The following SYNC variants were observed in gnomAD, a reference collection of about 807,000 sequenced individuals.
SYNC encodes the protein syncoilin, intermediate filament protein.
SYNC carries 38 observed loss-of-function variants against 49.5 expected under a neutral mutation model. That is an observed-to-expected ratio of 0.77 (90% CI 0.59 to 1.01). The LOEUF (loss-of-function observed/expected upper bound fraction) is 1.01, where lower values mean the gene tolerates loss of function less well. SYNC is among the 50% of genes least tolerant of loss of function. The probability of loss-of-function intolerance (pLI) is 0.00; values close to 1 mark genes in which losing one functional copy is unlikely to be tolerated. For missense variants in SYNC, 579 were observed against 580.6 expected, an observed-to-expected ratio of 1.00 and a Z score of 0.03; for synonymous variants, 201 against 230.8, an observed-to-expected ratio of 0.87 and a Z score of 1.17.
chr1:32,696,184 T>C, intron 1 of SYNC, 140 bp from the exon 2 acceptor site: 1 of 656,058 alleles, frequency 1.5e-6, no homozygotes, highest in South Asian at 1.9e-5. Context: ...ACTCTGTCAA[T>C]CCACCCCTCC....
intron 1 of SYNC, among the ~76,000 whole-genome samples, chr1:32,700,170 A>T (rs1650611338): frequency 6.6e-6 from 1 of 152,056 alleles, no homozygotes; most frequent in Admixed American, 6.6e-5. Context: ...GCTTCTCAAA[A>T]ACCACCTAAC....
intron 1 of SYNC, among the ~76,000 whole-genome samples, chr1:32,696,370 A>C (rs960135588): frequency 1.4e-4 from 22 of 152,056 alleles, no homozygotes; most frequent in Admixed American, 1.2e-3. Context: ...GCTGGAGTGC[A>C]ATAGCGTGAT....
intron 2 of SYNC, among the ~76,000 whole-genome samples, chr1:32,693,341 A>T (rs538730080): frequency 1.1e-4 from 17 of 152,194 alleles, no homozygotes; most frequent in Non-Finnish European, 2.2e-4. Flanking sequence ...TCAGCCTCCC[A>T]ACCAAAGTGC....
chr1:32,684,294 A>G lies in SYNC; in HGVS notation c.1322T>C (p.Leu441Pro). ...QQQKNKEMEQ[L>P]RLSLAEELST... ...GAGCTCTTCAGCAAGACTGAGCCTT[A>G]GCTGTTCCATCTCTTTGTTCTTCTG... The change falls in exon 3 of 5, where the codon CTA (leucine) becomes CCA (proline). Residue 441 changes from leucine (L) to proline (P), a missense_variant. Coordinates refer to ENST00000409190, the MANE Select transcript of SYNC (RefSeq NM_030786.3). 1 of 1,614,208 alleles carries G rather than the reference A, an allele frequency of 6.2e-7. No homozygotes were observed. Among genetic ancestry groups the G allele is most frequent in the Non-Finnish European group, 8.5e-7 (1 of 1,180,026 alleles).
intron 2 of SYNC, among the ~76,000 whole-genome samples, chr1:32,692,101 G>A (rs1650195042): frequency 1.3e-5 from 2 of 151,684 alleles, no homozygotes; most frequent in Non-Finnish European, 2.9e-5. Flanking sequence ...GTGCGGTGGC[G>A]GGCGCCTGCA....
At chr1:32,684,866 T>G (rs1478106057) in intron 2 of SYNC, 1 of 153,586 alleles carries the variant, frequency 6.5e-6, no homozygotes, top group East Asian at 1.9e-4. Flanking sequence ...AGTCCATGTT[T>G]AGAAAATAAA....
chr1:32,681,097 C>G lies in SYNC; in HGVS notation c.*753G>C, dbSNP rs1236428290. The G allele has an allele frequency of 6.5e-6, 1 of 152,674 alleles. No individual in the cohort carries two copies. Among genetic ancestry groups the G allele is most frequent in the Admixed American group, 6.5e-5 (1 of 15,272 alleles). The allele number at this position is 152,674 out of a possible 1,614,324, so 9.5% of individuals were successfully genotyped here. On this transcript the variant is annotated 3_prime_UTR_variant, in exon 5 of 5. Transcript: ENST00000409190. ...GGCCTCTATCACCAGATGCAATAAC[C>G]AGATAAAATTCCTGTTTTTTCCCAA...
intron 1 of SYNC, among the ~76,000 whole-genome samples, chr1:32,699,858 G>C (rs1056090330): frequency 6.6e-6 from 1 of 150,896 alleles, no homozygotes; most frequent in Non-Finnish European, 1.5e-5. Context: ...TCAGCCTCCC[G>C]AGTAGCTGAG....
chr1:32,695,800 G>A lies in SYNC; in HGVS notation c.298C>T (p.Pro100Ser). 1 of 1,551,616 alleles carries A rather than the reference G, an allele frequency of 6.4e-7. No individual in the cohort carries two copies. The highest frequency in any genetic ancestry group is 8.7e-7 in the Non-Finnish European group (1 of 1,147,004). The change falls in exon 2 of 5, where the codon CCT becomes TCT. Residue 100 changes from proline to serine, a missense_variant. Pro to Ser is a moderately conservative substitution (Grantham distance 74). Transcript: ENST00000409190. ...QPDEALHVEE[P>S]GNPEETVCVE... ...CACACTGTCTCCTCTGGATTCCCAG[G>A]CTCCTCCACATGCAGAGCCTCATCT...
At position 32,680,350 on chromosome 1, in the gene SYNC, G is replaced by GT. The variant is rs1649350086; in HGVS notation, c.*1499dup. 1 of 1,107,784 alleles carries GT rather than the reference G, an allele frequency of 9.0e-7. No homozygotes were observed. The highest frequency in any genetic ancestry group is 2.2e-5 in the African/African-American group (1 of 45,816). The allele number at this position is 1,107,784 out of a possible 1,614,324, so 68.6% of individuals were successfully genotyped here. On this transcript the variant is annotated 3_prime_UTR_variant, in exon 5 of 5. Transcript: ENST00000409190. ...TCTGTGAAATGGTGTTTTTTTTTTT[G>GT]TTGTTGGTTTTTTTTTTTTTTTTTT... is the stretch of plus-strand genomic sequence containing the variant.
At chr1:32,683,206 C>G (rs745597774) in intron 4 of SYNC, 1 of 149,790 alleles carries the variant, frequency 6.7e-6, no homozygotes, top group Admixed American at 6.7e-5. Flanking sequence ...CGCTTGAACC[C>G]GGGAGGCAGA....
chr1:32,692,365 T>C (rs1007455929), intron 2 of SYNC, among the ~76,000 whole-genome samples: 1 of 152,240 alleles, frequency 6.6e-6, no homozygotes, highest in Non-Finnish European at 1.5e-5. Flanking sequence ...CTGTTAAGGA[T>C]AGTATTGATG....
intron 2 of SYNC, among the ~76,000 whole-genome samples, chr1:32,687,680 AAG>A (rs1491166140): frequency 1.3e-5 from 2 of 150,418 alleles, no homozygotes; most frequent in African/African-American, 2.4e-5. Context: ...CAAAAAAAAA[AAG>A]AAAAAAATGT....
chr1:32,698,868 C>A (rs965287951), intron 1 of SYNC, among the ~76,000 whole-genome samples: 2 of 151,328 alleles, frequency 1.3e-5, no homozygotes, highest in Non-Finnish European at 2.9e-5. Flanking sequence ...GCAGCCTCAA[C>A]CTCCCCGGCT....
rs943987420 is a variant in SYNC, at chr1:32,681,742, G to A, written c.*108C>T. The A allele has an allele frequency of 1.3e-6, 2 of 1,583,358 alleles. No homozygotes were observed. Among genetic ancestry groups the A allele is most frequent in the East Asian group, 4.5e-5 (2 of 44,682 alleles). On this transcript the variant is annotated 3_prime_UTR_variant, in exon 5 of 5. Transcript: ENST00000409190. ...TTCCACAGGATGAATTGCTTGCCAA[G>A]TTTCTGGCACTCTTGTCTGGTTGGA...
chr1:32,688,318 T>C (rs182514170), intron 2 of SYNC, among the ~76,000 whole-genome samples: 10 of 152,280 alleles, frequency 6.6e-5, no homozygotes, highest in Non-Finnish European at 1.3e-4. Flanking sequence ...CTCATAGAGA[T>C]GTAAGGACTA....
chr1:32,697,220 T>A (rs1650472548), intron 1 of SYNC, among the ~76,000 whole-genome samples: 1 of 149,958 alleles, frequency 6.7e-6, no homozygotes, highest in South Asian at 2.1e-4. Flanking sequence ...ATCAGGCGGA[T>A]CACCTGAGGT....
In SYNC at chr1:32,695,768, C is replaced by T; in HGVS notation, c.330G>A (p.Glu110=). 2 of 1,551,716 alleles carry T rather than the reference C, an allele frequency of 1.3e-6. No individual in the cohort carries two copies. Among genetic ancestry groups the T allele is most frequent in the Non-Finnish European group, 1.7e-6 (2 of 1,147,004 alleles). The change falls in exon 2 of 5, where the codon GAG becomes GAA. Residue 110 remains glutamate (E), a synonymous_variant. Coordinates refer to ENST00000409190, the MANE Select transcript of SYNC (RefSeq NM_030786.3). ...PGNPEETVCV[E]ETTEPDRIQF... is the part of the protein sequence containing the mutation. ...GTATCCGATCTGGCTCCGTGGTTTC[C>T]TCCACACACACTGTCTCCTCTGGAT... is the stretch of plus-strand genomic sequence containing the variant.
In SYNC at chr1:32,684,402, A is replaced by C; in HGVS notation, c.1234-20T>G. The C allele has an allele frequency of 6.2e-7, 1 of 1,614,066 alleles. No individual in the cohort carries two copies. On this transcript the variant is annotated intron_variant, in intron 2 of 4. Coordinates refer to ENST00000409190, the MANE Select transcript of SYNC (RefSeq NM_030786.3). ...CTGTTCCTGCATGAGATGGCCAAGA[A>C]CATTTCTAATGAGCCAAACAATAAA... is the stretch of plus-strand genomic sequence containing the variant.
Sources: allele counts gnomAD v4.1 joint callset (sites outside exome capture counted in the v4.1 genomes callset), GRCh38; gene constraint gnomAD v4.1.1; transcripts MANE v1.5; gene names NCBI Gene and HGNC (gene_info 2026-07-23, HGNC 2026-07-21).